The following IKBIP variants were observed in gnomAD, a reference collection of about 807,000 sequenced individuals.
The protein encoded by IKBIP is inhibitor of nuclear factor kappa-B kinase-interacting protein.
In IKBIP, 28 loss-of-function variants were observed where a neutral mutation model predicts 31.0. The observed-to-expected ratio is 0.90, with a 90% CI of 0.67 to 1.24. The LOEUF (loss-of-function observed/expected upper bound fraction) is 1.24. IKBIP is among the 50% of genes most tolerant of loss of function. The pLI, the probability that IKBIP is intolerant of heterozygous loss-of-function variation, is 0.00. For synonymous variants in IKBIP, 164 were observed against 160.3 expected (o/e 1.02, Z -0.17); for missense variants, 453 against 441.9 (o/e 1.03, Z -0.23).
chr12:98,615,028 C>T (rs1174521620), intron 2 of IKBIP, among the ~76,000 whole-genome samples: 2 of 152,110 alleles, frequency 1.3e-5, no homozygotes, highest in African/African-American at 4.8e-5. Flanking sequence ...TGAGACAAGG[C>T]AACATAAGTT....
chr12:98,625,846 T>C lies in IKBIP; in HGVS notation c.*84A>G. On this transcript the variant is annotated 3_prime_UTR_variant, in exon 3 of 3. Coordinates refer to ENST00000299157, the MANE Select transcript of IKBIP (RefSeq NM_153687.4). ...TATTTTCCAATAATGTAGGATAAGA[T>C]GAGGCGTATCAAAGTAACTCAAAAT... is the stretch of plus-strand genomic sequence containing the variant. 1 of 1,129,472 alleles carries C rather than the reference T, an allele frequency of 8.9e-7. No homozygotes were observed. Among genetic ancestry groups the C allele is most frequent in the African/African-American group, 1.6e-5 (1 of 62,524 alleles). 70.0% of individuals were successfully genotyped at this position (1,129,472 alleles called of 1,614,324 possible). A position where few individuals can be genotyped will look rare whatever the true frequency, so the allele number is the denominator to read the frequency against.
intron 1 of IKBIP, among the ~76,000 whole-genome samples, chr12:98,636,420 T>C (rs1007342897): frequency 6.6e-6 from 1 of 152,220 alleles, no homozygotes; most frequent in Non-Finnish European, 1.5e-5. Flanking sequence ...CAAGGATTAA[T>C]GGAGAGGTGA....
chr12:98,634,759 G>T (rs1323622089), intron 1 of IKBIP, among the ~76,000 whole-genome samples: 1 of 150,680 alleles, frequency 6.6e-6, no homozygotes, highest in Non-Finnish European at 1.5e-5. Context: ...GCCCAGGCTG[G>T]AGTGCAGTGG....
chr12:98,637,964 G>C (rs2097627274), intron 1 of IKBIP, among the ~76,000 whole-genome samples: 1 of 152,206 alleles, frequency 6.6e-6, no homozygotes, highest in Non-Finnish European at 1.5e-5. Context: ...TCCTTTTTAT[G>C]AGTCAGGGGC....
chr12:98,639,254 A>C (rs1485827068), intron 1 of IKBIP, among the ~76,000 whole-genome samples: 3 of 152,100 alleles, frequency 2.0e-5, no homozygotes, highest in African/African-American at 7.2e-5. Flanking sequence ...TCCTTCCTAC[A>C]TGCCTATGAT....
chr12:98,613,524 A>G, exon 3 of IKBIP: 2 of 728,912 alleles, frequency 2.7e-6, no homozygotes, highest in Non-Finnish European at 4.3e-6. Flanking sequence ...TTGATTTACC[A>G]GTCTTCTCAT....
At chr12:98,620,979 GGCTCA>G (rs1245707884), downstream of IKBIP, among the ~76,000 whole-genome samples, 13 of 152,144 alleles carry the variant, frequency 8.5e-5, no homozygotes, top group African/African-American at 3.1e-4. Context: ...CGTGCGTGGT[GGCTCA>G]CACCTGTAAT....
intron 1 of IKBIP, among the ~76,000 whole-genome samples, chr12:98,643,255 C>G (rs1417876255): frequency 6.6e-6 from 1 of 152,138 alleles, no homozygotes. Flanking sequence ...CCAGCCGTAA[C>G]AAATCTTTTA....
downstream of IKBIP, among the ~76,000 whole-genome samples, chr12:98,623,387 TCG>T (rs756833001): frequency 6.0e-5 from 9 of 150,458 alleles, no homozygotes; most frequent in Non-Finnish European, 1.2e-4. Context: ...GCCTCCTGCG[TCG>T]CTAGGACTAC....
At chr12:98,633,397 C>G (rs1354980806) in intron 2 of IKBIP, among the ~76,000 whole-genome samples, 1 of 150,940 alleles carries the variant, frequency 6.6e-6, no homozygotes, top group Non-Finnish European at 1.5e-5. Flanking sequence ...TAGAAATCAG[C>G]AACTTGAAGG....
At chr12:98,622,618 G>C (rs569716160), downstream of IKBIP, among the ~76,000 whole-genome samples, 1 of 151,542 alleles carries the variant, frequency 6.6e-6, no homozygotes, top group South Asian at 2.1e-4. Context: ...GTCTACAAAG[G>C]ATGTTTTTTT....
At chr12:98,620,589 T>C (rs902502210), downstream of IKBIP, among the ~76,000 whole-genome samples, 3 of 151,786 alleles carry the variant, frequency 2.0e-5, no homozygotes, top group African/African-American at 7.3e-5. Context: ...ATGGTCTCGA[T>C]CTCCTGACCT....
intron 2 of IKBIP, among the ~76,000 whole-genome samples, chr12:98,633,165 T>A (rs921149571): frequency 6.6e-6 from 1 of 152,180 alleles, no homozygotes; most frequent in African/African-American, 2.4e-5. Context: ...GTGCCAAGCA[T>A]AGGTCCTTGC....
Position 98,624,556 on chromosome 12 carries a change from TA to T in IKBIP, c.*1373del. The T allele has an allele frequency of 1.0e-6, 1 of 980,326 alleles. No homozygotes were observed. Among genetic ancestry groups the T allele is most frequent in the Non-Finnish European group, 1.2e-6 (1 of 825,260 alleles). The allele number at this position is 980,326 out of a possible 1,614,324, so 60.7% of individuals were successfully genotyped here. A position where few individuals can be genotyped will look rare whatever the true frequency, so the allele number is the denominator to read the frequency against. ...TGACTGCTTTCAAGTTCTTTGTGTT[TA>T]ATTCCATCAAAAACTGCATTATAAA... is the stretch of plus-strand genomic sequence containing the variant. On this transcript the variant is annotated 3_prime_UTR_variant, in exon 3 of 3. Coordinates refer to ENST00000299157, the MANE Select transcript of IKBIP (RefSeq NM_153687.4).
At chr12:98,632,291 A>G (rs532602286) in intron 2 of IKBIP, among the ~76,000 whole-genome samples, 1 of 151,166 alleles carries the variant, frequency 6.6e-6, no homozygotes, top group Non-Finnish European at 1.5e-5. Context: ...CAATGTAGCA[A>G]GACCCCGTCT....
chr12:98,613,423 T>G, exon 3 of IKBIP: 1 of 479,786 alleles, frequency 2.1e-6, no homozygotes, highest in Non-Finnish European at 3.6e-6. Flanking sequence ...GCATATTTAT[T>G]TTGGAAAATC....
exon 3 of IKBIP, chr12:98,614,241 A>G (rs1401848369): frequency 1.2e-6 from 2 of 1,613,458 alleles, no homozygotes; most frequent in Admixed American, 3.3e-5. Context: ...ATCCTATTGG[A>G]CCAAGTTTTT....
chr12:98,618,671 C>T (rs1440265097), intron 2 of IKBIP, among the ~76,000 whole-genome samples: 1 of 151,758 alleles, frequency 6.6e-6, no homozygotes, highest in African/African-American at 2.4e-5. Context: ...CTATGCTGCC[C>T]AGGCTGGTCT....
chr12:98,620,200 C>T (rs182503736), downstream of IKBIP, among the ~76,000 whole-genome samples: 58 of 151,050 alleles, frequency 3.8e-4, no homozygotes, highest in Middle Eastern at 3.4e-3. Flanking sequence ...GGATTACAGG[C>T]ATGAGCCACT....
Sources: allele counts gnomAD v4.1 joint callset (sites outside exome capture counted in the v4.1 genomes callset), GRCh38; gene constraint gnomAD v4.1.1; transcripts MANE v1.5; gene names NCBI Gene and HGNC (gene_info 2026-07-23, HGNC 2026-07-21).